MIGA2: variants seen among roughly 807,000 people sequenced by gnomAD.
The protein encoded by MIGA2 is family with sequence similarity 73, member B.
In MIGA2, 36 loss-of-function variants were observed where a neutral mutation model predicts 69.9. The ratio of observed to expected loss-of-function variants is 0.52; its 90% CI spans 0.39 to 0.68. The LOEUF (loss-of-function observed/expected upper bound fraction) is 0.68, where lower values mean the gene tolerates loss of function less well. MIGA2 is among the 30% of genes least tolerant of loss of function. The pLI is 0.00. For synonymous variants in MIGA2, 333 were observed against 349.2 expected, an observed-to-expected ratio of 0.95 and a Z score of 0.52; for missense variants, 660 against 787.7, an observed-to-expected ratio of 0.84 and a Z score of 1.94.
At chr9:129,047,865 G>A (rs1845313476) in intron 3 of MIGA2, among the ~76,000 whole-genome samples, 1 of 151,854 alleles carries the variant, frequency 6.6e-6, no homozygotes, top group Non-Finnish European at 1.5e-5. Flanking sequence ...AAGTAGCTGG[G>A]GCTGCAGGCC....
At chr9:129,038,324 TG>T (rs1411555600) in intron 1 of MIGA2, among the ~76,000 whole-genome samples, 2 of 152,160 alleles carry the variant, frequency 1.3e-5, no homozygotes, top group African/African-American at 4.8e-5. Context: ...GCTGGCCCAG[TG>T]ACTTTGGCGG....
Position 129,069,132 on chromosome 9 carries a change from G to C in MIGA2, c.1458+3G>C, listed in dbSNP as rs1157077992. On this transcript the variant is annotated splice_donor_region_variant and intron_variant, in intron 14 of 15. Transcript: ENST00000684074. This position sits in a 1 kb window ranked among gnomAD's most constrained non-coding sequence, Gnocchi z 4.9. The stretch of plus-strand genomic sequence containing the variant: ...AAGCCAAGAGGAGGCTGCTGATGGT[G>C]AGTGACTGGCAGGCCCGGGGGAGCA... 5 of 1,613,852 alleles carry C rather than the reference G, an allele frequency of 3.1e-6. No homozygotes were observed. The highest frequency in any genetic ancestry group is 4.2e-6 in the Non-Finnish European group (5 of 1,179,974).
chr9:129,039,185 G>GTA lies in MIGA2; in HGVS notation c.-143-1266_-143-1265insAT, dbSNP rs200567948. 5.5e-3 allele frequency among the ~76,000 whole-genome samples: 788 copies of GTA among 143,114 alleles called. 5 individuals are homozygous for GTA. The highest frequency in any genetic ancestry group is 0.016 in the African/African-American group (567 of 35,296). 93.9% of individuals were successfully genotyped at this position (143,114 alleles called of 152,430 possible). A position where few individuals can be genotyped will look rare whatever the true frequency, so the allele number is the denominator to read the frequency against. On this transcript the variant is annotated intron_variant, in intron 1 of 15. Transcript: ENST00000684074. ...GGAGTAGCTCTTTGTTTGTGTGTGT[G>GTA]TGTGTGTGTGTGTGTGTGTGTGTGT...
chr9:129,058,190 C>T lies in MIGA2; in HGVS notation c.676-964C>T, dbSNP rs920689570. Among the ~76,000 whole-genome samples the T allele has an allele frequency of 2.6e-5, 4 of 151,816 alleles. No homozygotes were observed. In the East Asian group the frequency reaches 5.9e-4, roughly 22 times the overall value. On this transcript the variant is annotated intron_variant, in intron 6 of 15. Coordinates refer to ENST00000684074, the MANE Select transcript of MIGA2 (RefSeq NM_001329990.2). ...GGCAGGAGGATTGCATGAACCCATA[C>T]GTTTGAAACCAGCCTGGGCAATGTG...
rs191701819 is a variant in MIGA2, at chr9:129,045,878, G to A, written c.308-2549G>A. 8.2e-4 allele frequency among the ~76,000 whole-genome samples: 122 copies of A among 148,972 alleles called. 2 individuals carry two copies. Among genetic ancestry groups the A allele is most frequent in the Admixed American group, 8.1e-3 (120 of 14,902 alleles). ...TTTTTTTTTTGGTTTTTTTTTAGAC[G>A]GAGTCTTGCTCTGTCGCCAGGCTGG... On this transcript the variant is annotated intron_variant, in intron 3 of 15. Coordinates refer to ENST00000684074, the MANE Select transcript of MIGA2 (RefSeq NM_001329990.2).
chr9:129,060,755 TGATGGGAGAATTTG>T lies in MIGA2; in HGVS notation c.894+110_894+123del, dbSNP rs1360037304. On this transcript the variant is annotated intron_variant, in intron 8 of 15. Coordinates refer to ENST00000684074, the MANE Select transcript of MIGA2 (RefSeq NM_001329990.2). The surrounding 1 kb of genome is among the most constrained non-coding windows in gnomAD (Gnocchi z 4.8). ...CATGGGAAAGTGGAGGCATTTCCTC[TGATGGGAGAATTTG>T]GATGCTCCCACGGGCCTCCTCGAAG... The T allele has an allele frequency of 8.4e-6, 8 of 951,766 alleles. No individual in the cohort carries two copies. The highest frequency in any genetic ancestry group is 3.3e-4 in the Middle Eastern group (1 of 3,000). 59.0% of individuals were successfully genotyped at this position (951,766 alleles called of 1,614,324 possible).
chr9:129,058,734 G>A (rs897472403), intron 6 of MIGA2, among the ~76,000 whole-genome samples: 1 of 152,084 alleles, frequency 6.6e-6, no homozygotes, highest in Non-Finnish European at 1.5e-5. Context: ...TCCTGACCTT[G>A]TGATCTGCCC....
intron 6 of MIGA2, among the ~76,000 whole-genome samples, chr9:129,052,284 G>A (rs892545744): frequency 1.3e-5 from 2 of 151,012 alleles, no homozygotes; most frequent in Non-Finnish European, 2.9e-5. Flanking sequence ...CAGCACGCCC[G>A]GCTAATTTTT....
At chr9:129,063,919 G>C (rs868183839) in intron 11 of MIGA2, among the ~76,000 whole-genome samples, 3 of 152,216 alleles carry the variant, frequency 2.0e-5, no homozygotes, top group Non-Finnish European at 2.9e-5. Context: ...TGCGTGGAGA[G>C]CGCCACACGA....
At chr9:129,044,843 G>C (rs1000366260) in intron 3 of MIGA2, among the ~76,000 whole-genome samples, 3 of 151,936 alleles carry the variant, frequency 2.0e-5, no homozygotes, top group African/African-American at 7.2e-5. Context: ...TTCCCGCCTT[G>C]GCCCCCCAAA....
Position 129,068,430 on chromosome 9 carries a change from T to A in MIGA2, c.1404+98T>A. On this transcript the variant is annotated intron_variant, in intron 13 of 15. Transcript: ENST00000684074. The surrounding 1 kb of genome is among the most constrained non-coding windows in gnomAD (Gnocchi z 4.1). ...CTGTCCCTAGCACTGGCACCAGGGC[T>A]GGGCCCCCACCCCCTAGATCCGCGG... 6.6e-7 allele frequency: 1 copy of A among 1,518,554 alleles called. No homozygotes were observed. 94.1% of individuals were successfully genotyped at this position (1,518,554 alleles called of 1,614,324 possible).
intron 2 of MIGA2, among the ~76,000 whole-genome samples, chr9:129,041,486 T>C (rs1481876376): frequency 6.6e-6 from 1 of 151,656 alleles, no homozygotes; most frequent in Non-Finnish European, 1.5e-5. Context: ...AGGGTAAGAC[T>C]CCGTCTCAAA....
chr9:129,067,502 C>T (rs976825040), intron 11 of MIGA2: 15 of 452,352 alleles, frequency 3.3e-5, no homozygotes, highest in Non-Finnish European at 8.0e-6. Flanking sequence ...CATTCTGTGT[C>T]CCTCCAAAGT....
intron 1 of MIGA2, chr9:129,036,946 C>T: frequency 2.0e-6 from 2 of 1,002,722 alleles, no homozygotes; most frequent in Non-Finnish European, 2.4e-6. Context: ...GTACCCGATC[C>T]GAGGCGGGGA....
At chr9:129,041,127 G>C (rs1844881629) in intron 2 of MIGA2, among the ~76,000 whole-genome samples, 1 of 152,172 alleles carries the variant, frequency 6.6e-6, no homozygotes. Context: ...CTGAAGTCAG[G>C]AGTTCAAGAC....
In MIGA2 at chr9:129,070,598, C is replaced by T; in HGVS notation, c.*145C>T. ...GGGAGTCCCCAAGGCCCAGAGGGGA[C>T]ATTTCCATGGAGAAGAACGGTTCCT... On this transcript the variant is annotated 3_prime_UTR_variant, in exon 16 of 16. Transcript: ENST00000684074. 3 of 869,922 alleles carry T rather than the reference C, an allele frequency of 3.4e-6. No homozygotes were observed. The highest frequency in any genetic ancestry group is 5.1e-6 in the Non-Finnish European group (3 of 585,672). 53.9% of individuals were successfully genotyped at this position (869,922 alleles called of 1,614,324 possible).
chr9:129,065,499 G>A (rs575194486), intron 11 of MIGA2, among the ~76,000 whole-genome samples: 98 of 151,034 alleles, frequency 6.5e-4, no homozygotes, highest in Admixed American at 1.3e-3. Flanking sequence ...ACAGGTGTGC[G>A]CCACCACACC....
intron 11 of MIGA2, among the ~76,000 whole-genome samples, chr9:129,066,032 C>T (rs560518912): frequency 1.8e-4 from 27 of 152,350 alleles, no homozygotes; most frequent in African/African-American, 4.6e-4. Context: ...CAGCACTCCT[C>T]GGATATTCTC....
At chr9:129,056,525 T>C (rs1334487718) in intron 6 of MIGA2, among the ~76,000 whole-genome samples, 6 of 151,948 alleles carry the variant, frequency 3.9e-5, no homozygotes, top group African/African-American at 1.2e-4. Context: ...AATGACTTTT[T>C]TTTTTTTTTT....
Sources: allele counts gnomAD v4.1 joint callset (sites outside exome capture counted in the v4.1 genomes callset), GRCh38; gene constraint gnomAD v4.1.1; non-coding constraint Gnocchi (gnomAD v3.1); transcripts MANE v1.5; gene names NCBI Gene and HGNC (gene_info 2026-07-23, HGNC 2026-07-21).